Variants in TNKS2 observed in about 807,000 individuals in gnomAD.
The protein encoded by TNKS2 is tankyrase 2.
In TNKS2, 72 loss-of-function variants were observed where a neutral mutation model predicts 137.6. The observed-to-expected ratio is 0.52, with a 90% CI of 0.43 to 0.64. TNKS2 has a LOEUF of 0.64. TNKS2 is among the 30% of genes least tolerant of loss of function. The pLI is 0.00. For missense variants in TNKS2, 1,049 were observed against 1,410.2 expected (o/e 0.74, Z 4.10); for synonymous variants, 516 against 512.1 (o/e 1.01, Z -0.10).
chr10:91,835,557 G>A (rs1841979808), intron 12 of TNKS2, among the ~76,000 whole-genome samples: 1 of 146,984 alleles, frequency 6.8e-6, no homozygotes, highest in Non-Finnish European at 1.5e-5. Flanking sequence ...CCAAAGTGCT[G>A]GGATTACAGG....
At chr10:91,811,492 A>G (rs757260368) in intron 1 of TNKS2, among the ~76,000 whole-genome samples, 1 of 152,036 alleles carries the variant, frequency 6.6e-6, no homozygotes, top group Non-Finnish European at 1.5e-5. Flanking sequence ...ATTATATTGT[A>G]TTGAAATTTA....
intron 9 of TNKS2, among the ~76,000 whole-genome samples, chr10:91,829,673 A>G (rs1193918200): frequency 6.6e-6 from 1 of 152,194 alleles, no homozygotes; most frequent in Admixed American, 6.5e-5. Context: ...ATGTTCTCCA[A>G]TTAGAATTGG....
At chr10:91,820,886 G>A (rs1008930128) in intron 6 of TNKS2, among the ~76,000 whole-genome samples, 1 of 152,150 alleles carries the variant, frequency 6.6e-6, no homozygotes, top group Non-Finnish European at 1.5e-5. Context: ...GATACAATGA[G>A]CGAGGAATAA....
chr10:91,848,730 A>G, intron 19 of TNKS2, 95 bp downstream of exon 19: 2 of 1,399,646 alleles, frequency 1.4e-6, no homozygotes, highest in Middle Eastern at 2.5e-4. Context: ...CTTAAATACA[A>G]GGTATTAGTA....
At chr10:91,803,096 A>T (rs562872331) in intron 1 of TNKS2, among the ~76,000 whole-genome samples, 214 of 152,296 alleles carry the variant, frequency 1.4e-3, no homozygotes, top group African/African-American at 5.0e-3. Context: ...CCAAGTTTCT[A>T]CTAATCTGGC....
intron 2 of TNKS2, among the ~76,000 whole-genome samples, chr10:91,814,470 C>T (rs1844608580): frequency 6.6e-6 from 1 of 152,072 alleles, no homozygotes; most frequent in South Asian, 2.1e-4. Context: ...ACTTACATAG[C>T]TAAGTGTGCA....
chr10:91,856,955 C>G (rs984202515), intron 23 of TNKS2, among the ~76,000 whole-genome samples: 3 of 151,954 alleles, frequency 2.0e-5, no homozygotes, highest in African/African-American at 7.3e-5. Flanking sequence ...TTTTCTGAAT[C>G]AGAAGGTCGA....
intron 1 of TNKS2, among the ~76,000 whole-genome samples, chr10:91,805,855 C>T (rs1264772437): frequency 6.6e-6 from 1 of 152,052 alleles, no homozygotes; most frequent in East Asian, 1.9e-4. Context: ...CAGGTGGGTG[C>T]TAAGTGGTTG....
At chr10:91,810,951 A>T (rs1306994989) in intron 1 of TNKS2, among the ~76,000 whole-genome samples, 1 of 44,796 alleles carries the variant, frequency 2.2e-5, no homozygotes, top group Non-Finnish European at 3.9e-5. Context: ...TTTGAGATGG[A>T]GTCTCACTCT....
At chr10:91,807,508 C>T (rs1844363878) in intron 1 of TNKS2, 16 of 1,430,450 alleles carry the variant, frequency 1.1e-5, no homozygotes, top group South Asian at 2.3e-5. Context: ...TACCTACGTC[C>T]GGGAGTCGCC....
At chr10:91,799,016 C>G (rs1244746612) in intron 1 of TNKS2, 127 bp downstream of exon 1, 2 of 1,237,722 alleles carry the variant, frequency 1.6e-6, no homozygotes, top group African/African-American at 1.6e-5. Context: ...GGTGATCTCG[C>G]TCTCTTCCAG....
chr10:91,852,285 C>CAG (rs1842563163), intron 21 of TNKS2, among the ~76,000 whole-genome samples: 1 of 150,648 alleles, frequency 6.6e-6, no homozygotes, highest in African/African-American at 2.4e-5. Context: ...TGGCTAGGCT[C>CAG]AGTGGCTCAT....
chr10:91,835,010 T>C (rs1841953597), intron 12 of TNKS2, among the ~76,000 whole-genome samples: 1 of 152,206 alleles, frequency 6.6e-6, no homozygotes, highest in Non-Finnish European at 1.5e-5. Context: ...AGAAAGCTGG[T>C]ATTTAGCATT....
At chr10:91,861,516 A>G (rs989218619) in intron 25 of TNKS2, among the ~76,000 whole-genome samples, 2 of 152,212 alleles carry the variant, frequency 1.3e-5, no homozygotes, top group Non-Finnish European at 2.9e-5. Context: ...TGGTTTAGAA[A>G]GCCATTGTGT....
intron 3 of TNKS2, among the ~76,000 whole-genome samples, chr10:91,817,575 C>T (rs562519635): frequency 5.7e-4 from 87 of 152,092 alleles, no homozygotes; most frequent in Non-Finnish European, 7.6e-4. Flanking sequence ...TTGAGTATTT[C>T]TAACCCAAAC....
chr10:91,820,439 T>C (rs1425097536), intron 6 of TNKS2, among the ~76,000 whole-genome samples: 1 of 152,198 alleles, frequency 6.6e-6, no homozygotes, highest in Non-Finnish European at 1.5e-5. Context: ...TGCGGGACAT[T>C]AGTCTGTAAG....
chr10:91,856,686 T>G (rs536679315), intron 23 of TNKS2, among the ~76,000 whole-genome samples: 3 of 152,300 alleles, frequency 2.0e-5, no homozygotes, highest in Admixed American at 6.5e-5. Flanking sequence ...ACGGGTTTTT[T>G]TTGTTGTTGT....
chr10:91,820,080 C>G, intron 6 of TNKS2, 47 bp downstream of exon 6: 1 of 1,213,596 alleles, frequency 8.2e-7, no homozygotes, highest in South Asian at 1.5e-5. Flanking sequence ...TTACCCTCTT[C>G]TTAAAACAAT....
chr10:91,809,359 G>A (rs1844425786), intron 1 of TNKS2, among the ~76,000 whole-genome samples: 1 of 152,176 alleles, frequency 6.6e-6, no homozygotes, highest in Admixed American at 6.5e-5. Flanking sequence ...AACCAAATCA[G>A]TCTTAATCTT....
Sources: allele counts gnomAD v4.1 joint callset (sites outside exome capture counted in the v4.1 genomes callset), GRCh38; gene constraint gnomAD v4.1.1; transcripts MANE v1.5; gene names NCBI Gene and HGNC (gene_info 2026-07-23, HGNC 2026-07-21).